Variants in SLC20A2 observed in about 807,000 individuals in gnomAD.
SLC20A2 encodes sodium-dependent phosphate transporter 2.
SLC20A2 carries 30 observed loss-of-function variants against 61.0 expected under a neutral mutation model. The observed-to-expected ratio is 0.49, with a 90% CI of 0.37 to 0.67. The LOEUF is 0.67. Ranked by LOEUF, SLC20A2 falls within the 30% of genes least tolerant of loss-of-function variation. The pLI, the probability that SLC20A2 is intolerant of heterozygous loss-of-function variation, is 0.00. For missense variants in SLC20A2, 626 were observed against 866.4 expected (o/e 0.72, Z 3.48); for synonymous variants, 351 against 353.3 (o/e 0.99, Z 0.07).
At chr8:42,530,442 C>T (rs1469772959) in intron 1 of SLC20A2, among the ~76,000 whole-genome samples, 1 of 152,140 alleles carries the variant, frequency 6.6e-6, no homozygotes, top group Non-Finnish European at 1.5e-5. Context: ...TTCTAACATA[C>T]TCCAAAACTT....
chr8:42,491,025 A>C (rs1809471393), intron 1 of SLC20A2, among the ~76,000 whole-genome samples: 1 of 152,128 alleles, frequency 6.6e-6, no homozygotes, highest in Non-Finnish European at 1.5e-5. Flanking sequence ...ACAAGTAAAC[A>C]AAAAAAAGAC....
chr8:42,500,280 TA>T (rs1676335407), intron 1 of SLC20A2, among the ~76,000 whole-genome samples: 1 of 152,246 alleles, frequency 6.6e-6, no homozygotes, highest in East Asian at 1.9e-4. Context: ...AACACACTTC[TA>T]AATAAGCAAG....
chr8:42,533,655 T>TTTTTTTC lies in SLC20A2; in HGVS notation c.-265+8165_-265+8166insGAAAAAA, dbSNP rs1491558557. 8.6e-4 allele frequency among the ~76,000 whole-genome samples: 75 copies of TTTTTTTC among 87,438 alleles called. No individual in the cohort carries two copies. The East Asian group carries it at 0.01, about 12-fold the overall frequency. 57.4% of individuals were successfully genotyped at this position (87,438 alleles called of 152,430 possible). A position where few individuals can be genotyped will look rare whatever the true frequency, so the allele number is the denominator to read the frequency against. On this transcript the variant is annotated intron_variant, in intron 1 of 10. Transcript: ENST00000342228. The stretch of plus-strand genomic sequence containing the variant: ...TAATGGCCTTAATGATCAACTGTTC[T>TTTTTTTC]TTTTTTTTTTTTTTTTTTTTTGAGA...
At chr8:42,455,251 T>TAG (rs1323664147) in intron 5 of SLC20A2, among the ~76,000 whole-genome samples, 6 of 95,082 alleles carry the variant, frequency 6.3e-5, no homozygotes, top group Admixed American at 1.6e-4. Flanking sequence ...AATATATATA[T>TAG]ATATATAGAG....
At chr8:42,473,361 G>A (rs980759130) in intron 1 of SLC20A2, among the ~76,000 whole-genome samples, 1 of 138,452 alleles carries the variant, frequency 7.2e-6, no homozygotes, top group Non-Finnish European at 1.5e-5. Flanking sequence ...CAGCTCACTG[G>A]CCTTAGCTCC....
At chr8:42,504,887 G>T (rs918897266), upstream of SLC20A2, among the ~76,000 whole-genome samples, 1 of 40,194 alleles carries the variant, frequency 2.5e-5, no homozygotes, top group Non-Finnish European at 5.8e-5. Context: ...AAAAAAAAAA[G>T]GCATGTTCCA....
intron 5 of SLC20A2, among the ~76,000 whole-genome samples, chr8:42,446,801 G>A (rs1382201797): frequency 6.6e-6 from 1 of 151,580 alleles, no homozygotes; most frequent in Non-Finnish European, 1.5e-5. Context: ...CTTTATAGTG[G>A]TAACTTAAAA....
chr8:42,541,399 A>G (rs1813138409), intron 1 of SLC20A2: 2 of 145,374 alleles, frequency 1.4e-5, no homozygotes, highest in Admixed American at 1.4e-4. Context: ...CGGCGCGCGC[A>G]GCCCGGGCGG....
At chr8:42,457,631 C>T (rs570777615) in intron 5 of SLC20A2, among the ~76,000 whole-genome samples, 210 of 152,150 alleles carry the variant, frequency 1.4e-3, no homozygotes, top group Non-Finnish European at 2.4e-3. Context: ...GGACTACAGG[C>T]GCGCACCATC....
chr8:42,482,936 C>T (rs1808663478), intron 1 of SLC20A2, among the ~76,000 whole-genome samples: 1 of 152,138 alleles, frequency 6.6e-6, no homozygotes, highest in Non-Finnish European at 1.5e-5. Context: ...ATCCCAGCTA[C>T]TCAGGGGGCT....
Position 42,517,936 on chromosome 8 carries a change from GAATT to G in SLC20A2, c.-265+23881_-265+23884del, listed in dbSNP as rs1051131762. Among the ~76,000 whole-genome samples, 197 of 152,138 alleles carry G rather than the reference GAATT, an allele frequency of 1.3e-3. 1 individual carries two copies. The highest frequency in any genetic ancestry group is 4.7e-3 in the African/African-American group (196 of 41,528). The stretch of plus-strand genomic sequence containing the variant: ...GTTTGTAGTGGCAAACTTTTTTAAA[GAATT>G]ATTTATTTATTTATTTTTGAGACCG... On this transcript the variant is annotated intron_variant, in intron 1 of 10. Transcript: ENST00000342228.
upstream of SLC20A2, among the ~76,000 whole-genome samples, chr8:42,504,870 AAAAAAAAAAAAAAAAAG>A: frequency 1.4e-5 from 2 of 144,026 alleles, no homozygotes; most frequent in Admixed American, 6.9e-5. Context: ...AAAAAAAAAA[AAAAAAAAAAAAAAAAAG>A]GCATGTTCCA....
At chr8:42,473,293 A>T (rs1259009139) in intron 1 of SLC20A2, among the ~76,000 whole-genome samples, 1 of 152,052 alleles carries the variant, frequency 6.6e-6, no homozygotes, top group Non-Finnish European at 1.5e-5. Context: ...ATCCCATCTC[A>T]CTAGGAGGAA....
At chr8:42,530,514 T>G (rs1395935474) in intron 1 of SLC20A2, among the ~76,000 whole-genome samples, 1 of 152,206 alleles carries the variant, frequency 6.6e-6, no homozygotes, top group Non-Finnish European at 1.5e-5. Flanking sequence ...CCTACTCCAA[T>G]AATGTTGACA....
At chr8:42,443,459 G>T (rs1346599018) in intron 6 of SLC20A2, among the ~76,000 whole-genome samples, 1 of 151,246 alleles carries the variant, frequency 6.6e-6, no homozygotes, top group Non-Finnish European at 1.5e-5. Flanking sequence ...GGGACTACAG[G>T]CACCTGCCAC....
At chr8:42,448,297 A>T (rs1319549582) in intron 5 of SLC20A2, among the ~76,000 whole-genome samples, 2 of 152,250 alleles carry the variant, frequency 1.3e-5, no homozygotes, top group African/African-American at 4.8e-5. Context: ...CCTAGAGACC[A>T]CAGGGAGAGA....
intron 1 of SLC20A2, among the ~76,000 whole-genome samples, chr8:42,491,462 G>A (rs1038239639): frequency 1.4e-5 from 2 of 147,010 alleles, no homozygotes; most frequent in Admixed American, 6.8e-5. Flanking sequence ...CCAAGATCAC[G>A]CCACTGCACT....
chr8:42,433,769 C>G (rs1045703406), intron 8 of SLC20A2, among the ~76,000 whole-genome samples: 5 of 152,238 alleles, frequency 3.3e-5, no homozygotes, highest in Non-Finnish European at 5.9e-5. Flanking sequence ...CAGTGGACAT[C>G]TGGGTTGTTC....
intron 5 of SLC20A2, among the ~76,000 whole-genome samples, chr8:42,452,414 TGAA>T (rs1293883131): frequency 4.1e-4 from 41 of 99,404 alleles, no homozygotes; most frequent in Admixed American, 2.3e-3. Flanking sequence ...GAGGAAGAGA[TGAA>T]GAAGAAGAGG....
Sources: allele counts gnomAD v4.1 joint callset (sites outside exome capture counted in the v4.1 genomes callset), GRCh38; gene constraint gnomAD v4.1.1; transcripts MANE v1.5; gene names NCBI Gene and HGNC (gene_info 2026-07-23, HGNC 2026-07-21).